MBOAT1: variants seen among roughly 807,000 people sequenced by gnomAD.
MBOAT1 encodes membrane-bound glycerophospholipid O-acyltransferase 1.
A neutral mutation model predicts 64.4 loss-of-function variants in MBOAT1; 67 were observed. The ratio of observed to expected loss-of-function variants is 1.04; its 90% confidence interval spans 0.85 to 1.27. MBOAT1 has a LOEUF of 1.27. Ranked by LOEUF, MBOAT1 falls within the 50% of genes most tolerant of loss-of-function variation. MBOAT1 has a pLI of 0.00. For synonymous variants in MBOAT1, 229 were observed against 218.9 expected, an observed-to-expected ratio of 1.05 and a Z score of -0.41; for missense variants, 563 against 604.6, an observed-to-expected ratio of 0.93 and a Z score of 0.72.
intron 1 of MBOAT1, among the ~76,000 whole-genome samples, chr6:20,203,173 C>T (rs931390108): frequency 3.3e-5 from 5 of 152,020 alleles, no homozygotes; most frequent in African/African-American, 1.2e-4. Context: ...AATGTAATTC[C>T]AAGGCCAAGC....
intron 10 of MBOAT1, among the ~76,000 whole-genome samples, chr6:20,114,308 T>TA (rs1458527466): frequency 5.3e-5 from 8 of 152,222 alleles, no homozygotes; most frequent in Admixed American, 5.2e-4. Flanking sequence ...ATGATAGGCA[T>TA]ATCACTAGGT....
At chr6:20,162,312 C>A (rs1380187905) in intron 1 of MBOAT1, among the ~76,000 whole-genome samples, 1 of 152,170 alleles carries the variant, frequency 6.6e-6, no homozygotes, top group African/African-American at 2.4e-5. Flanking sequence ...AGCTAGGAAG[C>A]AGGTAAGACT....
chr6:20,156,898 T>G (rs1761705615), intron 1 of MBOAT1, among the ~76,000 whole-genome samples: 1 of 152,208 alleles, frequency 6.6e-6, no homozygotes, highest in Non-Finnish European at 1.5e-5. Flanking sequence ...AAAGAGCTTC[T>G]GCACAGCAAA....
intron 1 of MBOAT1, among the ~76,000 whole-genome samples, chr6:20,158,268 C>T (rs7747336): frequency 1.1e-3 from 170 of 152,010 alleles, no homozygotes; most frequent in African/African-American, 3.8e-3. Flanking sequence ...CACAAATAAG[C>T]CTACTCTTCT....
Position 20,124,396 on chromosome 6 carries a change from C to T in MBOAT1, c.907+12G>A. 1 of 1,610,868 alleles carries T rather than the reference C, an allele frequency of 6.2e-7. No homozygotes were observed. The highest frequency in any genetic ancestry group is 1.7e-5 in the Admixed American group (1 of 59,748). ...TTCCCTCATTCAGTTACAGCTACTC[C>T]ATCAAACTTACCTAATGTCCATGCA... On this transcript the variant is annotated intron_variant, in intron 8 of 12. Transcript: ENST00000324607.
chr6:20,111,835 C>CGTATATATAT (rs1554115561), intron 11 of MBOAT1, among the ~76,000 whole-genome samples: 43 of 86,798 alleles, frequency 5.0e-4, no homozygotes, highest in African/African-American at 1.8e-3. Flanking sequence ...CATATATATA[C>CGTATATATAT]ACATATATAT....
At chr6:20,209,560 C>T (rs918697909) in intron 1 of MBOAT1, among the ~76,000 whole-genome samples, 16 of 152,166 alleles carry the variant, frequency 1.1e-4, no homozygotes, top group African/African-American at 2.7e-4. Context: ...TAAAGACATT[C>T]ACAGGAGTGC....
intron 8 of MBOAT1, 122 bp from the exon 9 acceptor site, chr6:20,118,662 G>A (rs943681079): frequency 1.5e-5 from 11 of 714,562 alleles, no homozygotes; most frequent in Non-Finnish European, 2.5e-5. Context: ...TTTGGAAAAG[G>A]AACCCCAAAA....
chr6:20,135,023 C>G (rs1760941113), intron 4 of MBOAT1, among the ~76,000 whole-genome samples: 2 of 147,890 alleles, frequency 1.4e-5, no homozygotes, highest in African/African-American at 5.0e-5. Flanking sequence ...GCAGCCCCAA[C>G]AATTTCCTTA....
rs1395262261 is a variant in MBOAT1 at position 20,127,934 on chromosome 6, G to A, written c.530+765C>T. On this transcript the variant is annotated intron_variant, in intron 6 of 12. Transcript: ENST00000324607. ...AGCATTTACACCTCCATTGTGCTTA[G>A]GAAAGGGCTGATTCATTAGAATCTT... 3.3e-5 allele frequency among the ~76,000 whole-genome samples: 5 copies of A among 152,154 alleles called. No individual in the cohort carries two copies. The South Asian group carries it at 1.0e-3, about 32-fold the overall frequency.
chr6:20,159,018 C>T (rs940723937), intron 1 of MBOAT1, among the ~76,000 whole-genome samples: 1 of 152,162 alleles, frequency 6.6e-6, no homozygotes, highest in Non-Finnish European at 1.5e-5. Context: ...GGAAGTTCCT[C>T]AAAAAACTAC....
intron 1 of MBOAT1, among the ~76,000 whole-genome samples, chr6:20,168,697 G>C (rs1486455270): frequency 1.5e-5 from 2 of 136,716 alleles, no homozygotes; most frequent in South Asian, 2.4e-4. Flanking sequence ...AAGAAGAAGA[G>C]AGGAGAGGAG....
In MBOAT1 at chr6:20,153,765, G is replaced by A. The variant is rs564321912; in HGVS notation, c.100-996C>T. Among the ~76,000 whole-genome samples, 6 of 152,272 alleles carry A rather than the reference G, an allele frequency of 3.9e-5. No individual in the cohort carries two copies. In the East Asian group the frequency reaches 1.2e-3, roughly 29 times the overall value. On this transcript the variant is annotated intron_variant, in intron 1 of 12. Coordinates refer to ENST00000324607, the MANE Select transcript of MBOAT1 (RefSeq NM_001080480.3). The stretch of plus-strand genomic sequence containing the variant: ...ACCAAATTTCCTTAGAAAAATCTCA[G>A]TGGTCTACCTCTTGAGAATATTGGG...
chr6:20,102,583 G>A (rs995249911), intron 12 of MBOAT1, among the ~76,000 whole-genome samples, 171 bp from the exon 13 acceptor site: 1 of 152,138 alleles, frequency 6.6e-6, no homozygotes, highest in Non-Finnish European at 1.5e-5. Context: ...CCCTTTGGTA[G>A]GTGAGCGGGT....
chr6:20,183,216 T>C (rs1762558631), intron 1 of MBOAT1, among the ~76,000 whole-genome samples: 1 of 152,024 alleles, frequency 6.6e-6, no homozygotes, highest in African/African-American at 2.4e-5. Flanking sequence ...ATCCATGGTA[T>C]GATCTACCTG....
At chr6:20,122,837 T>A (rs1023922531) in intron 8 of MBOAT1, among the ~76,000 whole-genome samples, 6 of 151,878 alleles carry the variant, frequency 4.0e-5, no homozygotes, top group African/African-American at 1.2e-4. Flanking sequence ...GAAAAAAAAA[T>A]TATTTTTTTT....
chr6:20,149,185 G>A (rs892096537), intron 3 of MBOAT1, among the ~76,000 whole-genome samples: 12 of 151,698 alleles, frequency 7.9e-5, no homozygotes, highest in Non-Finnish European at 1.6e-4. Flanking sequence ...AGAGCCCCCT[G>A]CTACCACAGT....
chr6:20,131,666 T>G (rs1020237945), intron 4 of MBOAT1, among the ~76,000 whole-genome samples: 1 of 152,138 alleles, frequency 6.6e-6, no homozygotes, highest in South Asian at 2.1e-4. Flanking sequence ...TGGATGGTGG[T>G]TTTTTCATCT....
intron 3 of MBOAT1, among the ~76,000 whole-genome samples, chr6:20,149,845 GATTA>G (rs1449427499): frequency 6.6e-6 from 1 of 152,192 alleles, no homozygotes; most frequent in East Asian, 1.9e-4. Flanking sequence ...TGCTAATAGT[GATTA>G]ATCAAATGGC....
Sources: allele counts gnomAD v4.1 joint callset (sites outside exome capture counted in the v4.1 genomes callset), GRCh38; gene constraint gnomAD v4.1.1; transcripts MANE v1.5; gene names NCBI Gene and HGNC (gene_info 2026-07-23, HGNC 2026-07-21).